TMEM114: variants seen among roughly 807,000 people sequenced by gnomAD.
TMEM114 encodes transmembrane protein 114.
TMEM114 carries 6 observed loss-of-function variants against 6.2 expected under a neutral mutation model. That is an observed-to-expected ratio of 0.97 (90% CI 0.53 to 1.91). TMEM114 has a LOEUF of 1.91. Among genes scored for constraint, TMEM114 ranks in the 40% most tolerant of loss-of-function variants. The pLI, the probability that TMEM114 is intolerant of heterozygous loss-of-function variation, is 0.01. For missense variants in TMEM114, 218 were observed against 158.3 expected (o/e 1.38, Z -2.02); for synonymous variants, 104 against 73.0 (o/e 1.42, Z -2.16).
intron 2 of TMEM114, among the ~76,000 whole-genome samples, chr16:8,548,753 A>G (rs79610496): frequency 0.064 from 9,472 of 148,658 alleles, 434 homozygotes; most frequent in Middle Eastern, 0.15. Flanking sequence ...GTTTTACTTT[A>G]ACTGACAGAA....
At chr16:8,551,568 A>G (rs147939237) in intron 2 of TMEM114, among the ~76,000 whole-genome samples, 2 of 152,372 alleles carry the variant, frequency 1.3e-5, no homozygotes, top group African/African-American at 4.8e-5. Context: ...GAGAAAGTCC[A>G]TCAGTGACAA....
chr16:8,569,978 A>G lies in TMEM114; in HGVS notation c.467T>C (p.Val156Ala), dbSNP rs748167178. The change falls in exon 4 of 4, where the codon GTC becomes GCC. Residue 156 changes from valine (V) to alanine (A), a missense_variant. By Grantham distance (64) the Val-to-Ala change is moderately conservative (BLOSUM62 0). Coordinates refer to ENST00000620492, the MANE Select transcript of TMEM114 (RefSeq NM_001146336.2). The part of the protein sequence containing the change: ...GAMVTLAGIS[V>A]YIAYSAAAFR... ...GGCGGCGGCTGAATACGCTATGTAG[A>G]CGCTGATCCCAGCGAGGGTCACCAT... 6.5e-5 allele frequency: 101 copies of G among 1,550,518 alleles called. No individual in the cohort carries two copies. Among genetic ancestry groups the G allele is most frequent in the Non-Finnish European group, 8.0e-5 (92 of 1,146,742 alleles).
rs543401855 is a variant in TMEM114 at position 8,580,521 on chromosome 16, G to A, written c.302-8297C>T. 1.3e-4 allele frequency among the ~76,000 whole-genome samples: 20 copies of A among 150,262 alleles called. No homozygotes were observed. In the South Asian group the frequency reaches 3.8e-3, roughly 29 times the overall value. ...AAAAAAAAAAAAAAAGAAAAAAAAA[G>A]GAAACAAGACCCTCTTGGCCACCCC... On this transcript the variant is annotated intron_variant, in intron 2 of 3. Transcript: ENST00000620492.
chr16:8,562,526 T>TGAGTGAGTG (rs1465142445), intron 2 of TMEM114, among the ~76,000 whole-genome samples: 2 of 127,142 alleles, frequency 1.6e-5, no homozygotes, highest in African/African-American at 6.0e-5. Flanking sequence ...ATGAGTGAGT[T>TGAGTGAGTG]AATGAGTGAG....
chr16:8,563,894 T>G (rs1476960131), intron 2 of TMEM114, among the ~76,000 whole-genome samples: 1 of 148,678 alleles, frequency 6.7e-6, no homozygotes, highest in African/African-American at 2.6e-5. Flanking sequence ...AATTAGTGAG[T>G]GAATGAATGA....
intron 2 of TMEM114, among the ~76,000 whole-genome samples, chr16:8,563,183 GA>G (rs1378070049): frequency 2.6e-3 from 385 of 148,870 alleles, no homozygotes; most frequent in African/African-American, 8.8e-3. Flanking sequence ...ATGAGTGAGT[GA>G]ATGAGTGAAT....
At chr16:8,556,505 G>T (rs116885412) in intron 2 of TMEM114, among the ~76,000 whole-genome samples, 5,242 of 152,092 alleles carry the variant, frequency 0.034, 124 homozygotes, top group Non-Finnish European at 0.044. Context: ...CGTTGTTGTT[G>T]TTGTTGTTGT....
intron 1 of TMEM114, 34 bp from the exon 2 acceptor site, chr16:8,589,327 C>T (rs1902412541): frequency 5.0e-6 from 2 of 398,774 alleles, no homozygotes; most frequent in Non-Finnish European, 8.8e-6. Context: ...GGGTGCAGGA[C>T]CCCGGAGTTC....
At chr16:8,580,257 C>A (rs1428494275) in intron 2 of TMEM114, among the ~76,000 whole-genome samples, 1 of 152,154 alleles carries the variant, frequency 6.6e-6, no homozygotes, top group Non-Finnish European at 1.5e-5. Flanking sequence ...GAGGCCAAGG[C>A]AGGCAGATCA....
intron 2 of TMEM114, among the ~76,000 whole-genome samples, chr16:8,559,224 G>C (rs1028113707): frequency 1.4e-4 from 21 of 152,022 alleles, no homozygotes; most frequent in South Asian, 8.3e-4. Context: ...TGTATTTTTA[G>C]CAGAGACGGG....
chr16:8,565,946 G>A (rs868342989), downstream of TMEM114, among the ~76,000 whole-genome samples: 2 of 152,224 alleles, frequency 1.3e-5, no homozygotes, highest in Admixed American at 6.5e-5. Flanking sequence ...TCTCAAGAGA[G>A]AGTCCAAGTG....
rs958515844 is a variant in TMEM114, at chr16:8,589,821, G to A, written c.18C>T (p.Gly6=). ...TCAGCGCAGCCGCGCCGGCCAGCCCGCCCAGGTGCACCCGCATCGCCGAGC... is the reference window on the plus strand; with the variant it reads ...TCAGCGCAGCCGCGCCGGCCAGCCCACCCAGGTGCACCCGCATCGCCGAGC... MRVHL[G]GLAGAAALTG... Residue 6 remains glycine (G), a synonymous_variant, in exon 1 of 4, where the codon GGC becomes GGT. Coordinates refer to ENST00000620492, the MANE Select transcript of TMEM114 (RefSeq NM_001146336.2). 3 of 398,136 alleles carry A rather than the reference G, an allele frequency of 7.5e-6. No individual in the cohort carries two copies. Among genetic ancestry groups the A allele is most frequent in the Non-Finnish European group, 1.3e-5 (3 of 225,882 alleles). 24.7% of individuals were successfully genotyped at this position (398,136 alleles called of 1,614,324 possible).
chr16:8,549,316 A>G (rs1900769385), intron 2 of TMEM114, among the ~76,000 whole-genome samples: 2 of 151,874 alleles, frequency 1.3e-5, no homozygotes, highest in East Asian at 1.9e-4. Flanking sequence ...CCTGGCCAAC[A>G]TGACAAAACC....
intron 2 of TMEM114, among the ~76,000 whole-genome samples, chr16:8,551,233 A>G (rs1443972581): frequency 2.0e-5 from 3 of 152,156 alleles, no homozygotes; most frequent in African/African-American, 7.2e-5. Context: ...TGTTAATTTC[A>G]TGAGGCAGGG....
chr16:8,580,287 G>C (rs1596313113), intron 2 of TMEM114, among the ~76,000 whole-genome samples: 1 of 152,168 alleles, frequency 6.6e-6, no homozygotes, highest in Admixed American at 6.5e-5. Context: ...AGGAGTTTGA[G>C]ATCAGCGTGG....
At chr16:8,537,800 G>A (rs1476459692) in exon 3 of TMEM114, 1 of 151,994 alleles carries the variant, frequency 6.6e-6, no homozygotes, top group Non-Finnish European at 1.5e-5. Flanking sequence ...ATTCACCATT[G>A]ACATCCATGG....
At chr16:8,558,277 A>T (rs925679797) in intron 2 of TMEM114, among the ~76,000 whole-genome samples, 2 of 152,134 alleles carry the variant, frequency 1.3e-5, no homozygotes, top group Non-Finnish European at 2.9e-5. Context: ...ACAAAGTTCA[A>T]AATCAAGGTG....
intron 2 of TMEM114, among the ~76,000 whole-genome samples, chr16:8,583,339 G>T (rs578259702): frequency 6.6e-6 from 1 of 152,236 alleles, no homozygotes; most frequent in Non-Finnish European, 1.5e-5. Context: ...GCAGGAAGAG[G>T]AGGCAATAAG....
intron 2 of TMEM114, among the ~76,000 whole-genome samples, chr16:8,550,454 G>A (rs1900804809): frequency 6.7e-6 from 1 of 150,066 alleles, no homozygotes; most frequent in African/African-American, 2.4e-5. Context: ...GCCAAGGCGG[G>A]CGGATGATGA....
Sources: allele counts gnomAD v4.1 joint callset (sites outside exome capture counted in the v4.1 genomes callset), GRCh38; gene constraint gnomAD v4.1.1; transcripts MANE v1.5; gene names NCBI Gene and HGNC (gene_info 2026-07-23, HGNC 2026-07-21).